The following SAMHD1 variants were observed in gnomAD, a reference collection of about 807,000 sequenced individuals.
The protein encoded by SAMHD1 is deoxynucleoside triphosphate triphosphohydrolase SAMHD1.
A neutral mutation model predicts 79.6 loss-of-function variants in SAMHD1; 54 were observed. The ratio of observed to expected loss-of-function variants is 0.68; its 90% CI spans 0.55 to 0.85. The LOEUF is 0.85. Among genes scored for constraint, SAMHD1 ranks in the 40% least tolerant of loss-of-function variants. SAMHD1 has a pLI of 0.00. For synonymous variants in SAMHD1, 260 were observed against 264.1 expected (o/e 0.98, Z 0.15); for missense variants, 663 against 782.7 (o/e 0.85, Z 1.82).
chr20:36,905,869 A>G, intron 11 of SAMHD1, among the ~76,000 whole-genome samples: 1 of 151,860 alleles, frequency 6.6e-6, no homozygotes, highest in East Asian at 1.9e-4. Context: ...GCTACTCAGG[A>G]GGCTGAGGCA....
Position 36,905,272 on chromosome 20 carries a change from A to C in SAMHD1, c.1410+92T>G, listed in dbSNP as rs534097263. 3.0e-5 allele frequency: 40 copies of C among 1,337,426 alleles called. No individual in the cohort carries two copies. In the South Asian group the frequency reaches 4.5e-4, roughly 15 times the overall value. The allele number at this position is 1,337,426 out of a possible 1,614,324, so 82.8% of individuals were successfully genotyped here. On this transcript the variant is annotated intron_variant, in intron 12 of 15. Coordinates refer to ENST00000646673, the MANE Select transcript of SAMHD1 (RefSeq NM_015474.4). ...AAATGAGAATAAACGTAAAGCACTT[A>C]GTACAGAGTCATAGTATCACGATAG...
chr20:36,931,813 A>G (rs1056971324), intron 4 of SAMHD1, among the ~76,000 whole-genome samples: 3 of 152,134 alleles, frequency 2.0e-5, no homozygotes, highest in Non-Finnish European at 4.4e-5. Flanking sequence ...AAGGAAATAA[A>G]AAATAATTTA....
intron 5 of SAMHD1, among the ~76,000 whole-genome samples, chr20:36,930,542 A>C (rs780864483): frequency 6.6e-6 from 1 of 152,160 alleles, no homozygotes; most frequent in Admixed American, 6.6e-5. Context: ...GATGTTTAAC[A>C]TGAGAAATTC....
intron 3 of SAMHD1, 109 bp from the exon 4 acceptor site, chr20:36,935,298 A>C: frequency 1.1e-6 from 1 of 884,280 alleles, no homozygotes; most frequent in Middle Eastern, 2.5e-4. Flanking sequence ...TGATTTTTCA[A>C]GTAAAAATAC....
At position 36,935,110 on chromosome 20, in the gene SAMHD1, C is replaced by T. The variant is rs369035155; in HGVS notation, c.428G>A (p.Arg143His). ...VRIIDTPQFQ[R>H]LRYIKQLGGG... ...TCCCAGCTGTTTGATGTATCGAAGACGTTGAAATTGAGGTGTATCAATGAT... is the reference window on the plus strand; with the variant it reads ...TCCCAGCTGTTTGATGTATCGAAGATGTTGAAATTGAGGTGTATCAATGAT... Residue 143 changes from arginine (R) to histidine (H), a missense_variant, in exon 4 of 16, where the codon CGT becomes CAT. Coordinates refer to ENST00000646673, the MANE Select transcript of SAMHD1 (RefSeq NM_015474.4). The T allele has an allele frequency of 1.2e-5, 19 of 1,613,778 alleles. No individual in the cohort carries two copies. Among genetic ancestry groups the T allele is most frequent in the East Asian group, 2.2e-5 (1 of 44,894 alleles).
intron 6 of SAMHD1, among the ~76,000 whole-genome samples, chr20:36,922,645 T>C (rs1268654398): frequency 6.6e-6 from 1 of 152,102 alleles, no homozygotes; most frequent in Non-Finnish European, 1.5e-5. Context: ...TCCCAAACTG[T>C]TGGGATTACA....
intron 11 of SAMHD1, among the ~76,000 whole-genome samples, chr20:36,907,883 ATTTTAT>A (rs1334401569): frequency 6.6e-6 from 1 of 150,604 alleles, no homozygotes; most frequent in Non-Finnish European, 1.5e-5. Flanking sequence ...TTATTTATTT[ATTTTAT>A]TTTTGAGAAG....
At chr20:36,898,820 G>C (rs985056440) in intron 13 of SAMHD1, among the ~76,000 whole-genome samples, 1 of 150,926 alleles carries the variant, frequency 6.6e-6, no homozygotes, top group Non-Finnish European at 1.5e-5. Context: ...ACTGAGGCAG[G>C]AGAATTGTTT....
intron 15 of SAMHD1, chr20:36,897,556 CATT>C: frequency 2.0e-6 from 1 of 504,892 alleles, no homozygotes; most frequent in Non-Finnish European, 3.6e-6. Flanking sequence ...TGGTGAACAA[CATT>C]AGAAAGCATT....
chr20:36,937,855 G>GT (rs1568780706), intron 3 of SAMHD1, among the ~76,000 whole-genome samples: 1 of 125,366 alleles, frequency 8.0e-6, no homozygotes, highest in African/African-American at 3.6e-5. Flanking sequence ...AAACAATGTT[G>GT]GTTTGTTTTT....
rs368766286 is a variant in SAMHD1, at chr20:36,919,532, A to G, written c.697-13T>C. On this transcript the variant is annotated splice_polypyrimidine_tract_variant and intron_variant, in intron 6 of 15. Transcript: ENST00000646673. Reference sequence around the variant, plus strand: ...AGCCTTGTTCATGCTAGGAAAAGTAAGCACAATATGATGTGTTAAAGATTC... The same window carrying G: ...AGCCTTGTTCATGCTAGGAAAAGTAGGCACAATATGATGTGTTAAAGATTC... The G allele has an allele frequency of 9.9e-5, 159 of 1,612,574 alleles. No homozygotes were observed. Among genetic ancestry groups the G allele is most frequent in the Non-Finnish European group, 1.3e-4 (152 of 1,179,592 alleles).
intron 15 of SAMHD1, among the ~76,000 whole-genome samples, chr20:36,894,474 G>A (rs1239194425): frequency 6.6e-6 from 1 of 151,972 alleles, no homozygotes; most frequent in Non-Finnish European, 1.5e-5. Flanking sequence ...CTCAGTAAAG[G>A]CAATCATTTA....
chr20:36,897,574 A>G, intron 15 of SAMHD1: 1 of 548,434 alleles, frequency 1.8e-6, no homozygotes. Flanking sequence ...AGCATTATTT[A>G]CATGTTCACA....
At chr20:36,947,014 C>A (rs569409472) in intron 1 of SAMHD1, 49 of 437,538 alleles carry the variant, frequency 1.1e-4, no homozygotes, top group Non-Finnish European at 1.8e-4. Context: ...TGATAAATCA[C>A]GTGAAAATTT....
At chr20:36,927,115 A>C in intron 6 of SAMHD1, 67 bp downstream of exon 6, 1 of 1,396,516 alleles carries the variant, frequency 7.2e-7, no homozygotes, top group South Asian at 1.2e-5. Context: ...CCAAACAGAT[A>C]AATTAACTAA....
At chr20:36,905,592 C>T in intron 11 of SAMHD1, 89 bp from the exon 12 acceptor site, 3 of 1,165,956 alleles carry the variant, frequency 2.6e-6, no homozygotes, top group South Asian at 2.6e-5. Flanking sequence ...ATGATCTTAA[C>T]AGGCAGTTCG....
At chr20:36,923,987 G>A (rs2063521601) in intron 6 of SAMHD1, among the ~76,000 whole-genome samples, 1 of 152,042 alleles carries the variant, frequency 6.6e-6, no homozygotes, top group African/African-American at 2.4e-5. Context: ...TGGTGGCTTA[G>A]GCCTGTAATC....
At chr20:36,924,113 A>G (rs1470404082) in intron 6 of SAMHD1, among the ~76,000 whole-genome samples, 4 of 152,072 alleles carry the variant, frequency 2.6e-5, no homozygotes, top group Non-Finnish European at 5.9e-5. Context: ...TTAGCTGGGC[A>G]TGGTAGTGTG....
chr20:36,927,226 C>T lies in SAMHD1; in HGVS notation c.652G>A (p.Asp218Asn), dbSNP rs2146127787. The T allele has an allele frequency of 6.2e-7, 1 of 1,611,752 alleles. No individual in the cohort carries two copies. Among genetic ancestry groups the T allele is most frequent in the African/African-American group, 1.3e-5 (1 of 74,788 alleles). ...LGHGPFSHMF[D>N]GRFIPLARPE... The stretch of plus-strand genomic sequence containing the variant: ...CGAGCAAGTGGAATAAATCGTCCAT[C>T]AAACATGTGAGAAAATGGCCCATGA... The change falls in exon 6 of 16, where the codon GAT becomes AAT. Residue 218 changes from aspartate to asparagine, a missense_variant. Coordinates refer to ENST00000646673, the MANE Select transcript of SAMHD1 (RefSeq NM_015474.4).
Sources: allele counts gnomAD v4.1 joint callset (sites outside exome capture counted in the v4.1 genomes callset), GRCh38; gene constraint gnomAD v4.1.1; transcripts MANE v1.5; gene names NCBI Gene and HGNC (gene_info 2026-07-23, HGNC 2026-07-21).